Variants in NEURL1 observed in about 807,000 individuals in gnomAD.
The protein encoded by NEURL1 is E3 ubiquitin-protein ligase NEURL1.
Under a neutral mutation model 41.2 loss-of-function variants are expected in NEURL1, and 26 were observed. The ratio of observed to expected loss-of-function variants is 0.63; its 90% confidence interval spans 0.46 to 0.87. The LOEUF (loss-of-function observed/expected upper bound fraction) is 0.87. Among genes scored for constraint, NEURL1 ranks in the 40% least tolerant of loss-of-function variants. The pLI, the probability that NEURL1 is intolerant of heterozygous loss-of-function variation, is 0.00. For missense variants in NEURL1, 761 were observed against 871.1 expected (o/e 0.87, Z 1.59); for synonymous variants, 400 against 402.3 (o/e 0.99, Z 0.07).
chr10:103,564,910 C>T (rs1367435061), intron 1 of NEURL1, among the ~76,000 whole-genome samples: 2 of 152,132 alleles, frequency 1.3e-5, no homozygotes, highest in Admixed American at 6.5e-5. Context: ...GGAGCAGGGA[C>T]ACTGCAGTGG....
intron 1 of NEURL1, among the ~76,000 whole-genome samples, chr10:103,517,096 G>A (rs915097240): frequency 1.4e-5 from 2 of 144,314 alleles, no homozygotes; most frequent in African/African-American, 2.6e-5. Context: ...GCGTGATCTC[G>A]TCTTACTGCA....
intron 3 of NEURL1, chr10:103,577,593 C>T (rs2035692642): frequency 1.3e-5 from 2 of 152,228 alleles, no homozygotes. Flanking sequence ...CATCTGATCT[C>T]CCTATTAGGT....
chr10:103,507,902 A>G (rs992290121), intron 1 of NEURL1, among the ~76,000 whole-genome samples: 18 of 151,994 alleles, frequency 1.2e-4, no homozygotes, highest in African/African-American at 4.1e-4. Flanking sequence ...GTTCCCAGCC[A>G]CACACACACA....
chr10:103,564,462 G>C (rs1008023253), intron 1 of NEURL1, among the ~76,000 whole-genome samples: 3 of 152,118 alleles, frequency 2.0e-5, no homozygotes, highest in African/African-American at 7.2e-5. Context: ...GCACTTTGCT[G>C]CAGCTGCTCC....
chr10:103,558,297 C>T lies in NEURL1; in HGVS notation c.86-12575C>T, dbSNP rs1304968857. ...AGGACCCAGGACTCTGTATGTGTGT[C>T]GGGGGTCATCTAATTGTGTGTTTTG... is the stretch of plus-strand genomic sequence containing the variant. On this transcript the variant is annotated intron_variant, in intron 1 of 5. Coordinates refer to ENST00000369780, the MANE Select transcript of NEURL1 (RefSeq NM_004210.5). The surrounding 1 kb of genome is among the most constrained non-coding windows in gnomAD (Gnocchi z 4.2). 7.3e-6 allele frequency: 7 copies of T among 964,532 alleles called. No individual in the cohort carries two copies. Among genetic ancestry groups the T allele is most frequent in the African/African-American group, 5.3e-5 (3 of 56,676 alleles). The allele number at this position is 964,532 out of a possible 1,614,324, so 59.7% of individuals were successfully genotyped here. A position where few individuals can be genotyped will look rare whatever the true frequency, so the allele number is the denominator to read the frequency against.
At chr10:103,571,470 G>A (rs778302402) in intron 2 of NEURL1, 31 bp from the exon 3 acceptor site, 4 of 1,573,754 alleles carry the variant, frequency 2.5e-6, no homozygotes, top group Non-Finnish European at 3.4e-6. Flanking sequence ...AAGTGGGAGA[G>A]GGTGGGCTGA....
intron 4 of NEURL1, 127 bp from the exon 5 acceptor site, chr10:103,589,387 A>G (rs2035989999): frequency 2.8e-6 from 3 of 1,068,052 alleles, no homozygotes; most frequent in Non-Finnish European, 4.0e-6. Flanking sequence ...AGCCTGCAAA[A>G]TCCCGCTCTT....
intron 1 of NEURL1, among the ~76,000 whole-genome samples, chr10:103,534,077 A>G (rs2034640249): frequency 6.6e-6 from 1 of 151,870 alleles, no homozygotes. Context: ...TTTTGGCTGC[A>G]GGACTTCTGT....
intron 1 of NEURL1, among the ~76,000 whole-genome samples, chr10:103,557,893 T>C (rs948162084): frequency 2.0e-5 from 3 of 152,202 alleles, no homozygotes; most frequent in East Asian, 3.8e-4. Context: ...CTTTTCTTTT[T>C]TTTTGAGACG....
At chr10:103,504,196 T>C (rs2033894565) in intron 1 of NEURL1, among the ~76,000 whole-genome samples, 1 of 152,036 alleles carries the variant, frequency 6.6e-6, no homozygotes, top group Non-Finnish European at 1.5e-5. Context: ...TTTCACCATG[T>C]TGGTCAGGCT....
intron 1 of NEURL1, among the ~76,000 whole-genome samples, chr10:103,510,658 A>T (rs1045216172): frequency 2.0e-5 from 3 of 152,176 alleles, no homozygotes; most frequent in Non-Finnish European, 4.4e-5. Context: ...TGAGACCCAG[A>T]GGGGCTGTTC....
intron 4 of NEURL1, among the ~76,000 whole-genome samples, chr10:103,588,340 T>C (rs2035966184): frequency 6.7e-6 from 1 of 150,074 alleles, no homozygotes; most frequent in African/African-American, 2.4e-5. Context: ...ATGGTTTCAC[T>C]GGAGAAACAA....
intron 1 of NEURL1, chr10:103,555,391 G>T: frequency 7.4e-7 from 1 of 1,359,782 alleles, no homozygotes; most frequent in South Asian, 1.1e-5. Context: ...TGGGGGGACA[G>T]ATCACCCGGA....
chr10:103,591,881 G>C lies in NEURL1; in HGVS notation c.*1509G>C, dbSNP rs2133888942. 1 of 152,348 alleles carries C rather than the reference G, an allele frequency of 6.6e-6. No homozygotes were observed. The highest frequency in any genetic ancestry group is 1.5e-5 in the Non-Finnish European group (1 of 68,122). The allele number at this position is 152,348 out of a possible 1,614,324, so 9.4% of individuals were successfully genotyped here. A position where few individuals can be genotyped will look rare whatever the true frequency, so the allele number is the denominator to read the frequency against. ...CTTGTGATGGCGGGGCAGGGAGCCT[G>C]TTCGTAGGGAAGATGAGGAGGCAAG... On this transcript the variant is annotated 3_prime_UTR_variant, in exon 6 of 6. Coordinates refer to ENST00000369780, the MANE Select transcript of NEURL1 (RefSeq NM_004210.5).
At chr10:103,562,193 A>G (rs1394658159) in intron 1 of NEURL1, among the ~76,000 whole-genome samples, 2 of 151,962 alleles carry the variant, frequency 1.3e-5, no homozygotes, top group Admixed American at 6.6e-5. Context: ...GACCAGCCTG[A>G]CCAACATAGT....
chr10:103,589,708 G>A (rs2035998764), intron 5 of NEURL1, 48 bp downstream of exon 5: 2 of 1,569,026 alleles, frequency 1.3e-6, no homozygotes, highest in Admixed American at 1.8e-5. Flanking sequence ...TGGGACTGCA[G>A]CAAGGATGCA....
chr10:103,585,997 T>C (rs1476263153), intron 4 of NEURL1, among the ~76,000 whole-genome samples: 1 of 150,962 alleles, frequency 6.6e-6, no homozygotes, highest in African/African-American at 2.4e-5. Context: ...GGGTGGTGTC[T>C]GGTTGGGGGA....
intron 4 of NEURL1, among the ~76,000 whole-genome samples, chr10:103,586,392 T>C (rs1212144371): frequency 6.6e-6 from 1 of 152,174 alleles, no homozygotes; most frequent in Non-Finnish European, 1.5e-5. Context: ...TGCAGATTCT[T>C]GGACCCCCCC....
intron 1 of NEURL1, among the ~76,000 whole-genome samples, chr10:103,522,602 C>CAAAAA (rs528719693): frequency 2.8e-5 from 3 of 106,732 alleles, no homozygotes; most frequent in Non-Finnish European, 3.8e-5. Context: ...AACTCCATTT[C>CAAAAA]AAAAAAAAAA....
Sources: gnomAD v4.1 joint callset for allele counts (sites outside exome capture counted in the v4.1 genomes callset) on GRCh38, gnomAD v4.1.1 for gene constraint, Gnocchi (gnomAD v3.1) non-coding constraint, MANE v1.5 for transcripts, NCBI Gene and HGNC (gene_info 2026-07-23, HGNC 2026-07-21) for gene names.